SSR3: variants seen among roughly 807,000 people sequenced by gnomAD.
SSR3 encodes the protein signal sequence receptor subunit 3, also known as translocon-associated protein subunit gamma.
Under a neutral mutation model 22.1 loss-of-function variants are expected in SSR3, and 10 were observed. The ratio of observed to expected loss-of-function variants is 0.45; its 90% CI spans 0.28 to 0.77. The LOEUF (loss-of-function observed/expected upper bound fraction) is 0.77, where lower values mean the gene tolerates loss of function less well. Among genes scored for constraint, SSR3 ranks in the 30% least tolerant of loss-of-function variants. The pLI, the probability that SSR3 is intolerant of heterozygous loss-of-function variation, is 0.13. For missense variants in SSR3, 181 were observed against 220.5 expected (o/e 0.82, Z 1.13); for synonymous variants, 104 against 82.5 (o/e 1.26, Z -1.42).
intron 2 of SSR3, among the ~76,000 whole-genome samples, chr3:156,552,417 C>G (rs760714416): frequency 9.2e-5 from 14 of 151,962 alleles, no homozygotes; most frequent in Non-Finnish European, 1.9e-4. Flanking sequence ...AATACCTGCA[C>G]CTCATATGGA....
At chr3:156,545,445 CTT>C (rs1304718390) in intron 3 of SSR3, among the ~76,000 whole-genome samples, 2 of 152,160 alleles carry the variant, frequency 1.3e-5, no homozygotes, top group African/African-American at 2.4e-5. Context: ...TTTGTAGACA[CTT>C]TGTCTCCCAA....
chr3:156,548,779 A>T, intron 3 of SSR3, 126 bp downstream of exon 3: 1 of 1,135,054 alleles, frequency 8.8e-7, no homozygotes, highest in Non-Finnish European at 1.2e-6. Context: ...TTCCATTACT[A>T]CTACTACTAC....
At chr3:156,545,716 G>T (rs1682368236) in intron 3 of SSR3, among the ~76,000 whole-genome samples, 1 of 150,352 alleles carries the variant, frequency 6.7e-6, no homozygotes, top group African/African-American at 2.4e-5. Flanking sequence ...TTTACTGTAA[G>T]TTTGGAGGAA....
chr3:156,544,411 C>T lies in SSR3; in HGVS notation c.388G>A (p.Asp130Asn). 1.9e-6 allele frequency: 3 copies of T among 1,587,642 alleles called. No homozygotes were observed. The highest frequency in any genetic ancestry group is 2.3e-5 in the East Asian group (1 of 44,068). The change falls in exon 4 of 5, where the codon GAT (aspartate) becomes AAT (asparagine). Residue 130 changes from aspartate (D) to asparagine (N), a missense_variant. Transcript: ENST00000265044. ...ATGGAAAATGTTGTAGCTTCATAAT[C>T]AGCAACTTCATTCTTCTTCCACAAG... ...RILWKKNEVADYEATTFSIFY... is the reference protein window; with the variant it reads ...RILWKKNEVANYEATTFSIFY...
intron 2 of SSR3, among the ~76,000 whole-genome samples, chr3:156,552,354 A>C (rs555692428): frequency 6.6e-6 from 1 of 152,264 alleles, no homozygotes; most frequent in African/African-American, 2.4e-5. Context: ...GACATGATAA[A>C]AATGATGTCA....
chr3:156,548,669 C>T, intron 3 of SSR3: 2 of 518,888 alleles, frequency 3.9e-6, no homozygotes, highest in Non-Finnish European at 6.7e-6. Flanking sequence ...AAAAATAGTA[C>T]CTACTTCACA....
rs928997036 is a variant in SSR3, at chr3:156,541,917, A to C, written c.*1286T>G. The C allele has an allele frequency of 6.6e-6, 1 of 152,194 alleles. No individual in the cohort carries two copies. Among genetic ancestry groups the C allele is most frequent in the Non-Finnish European group, 1.5e-5 (1 of 68,036 alleles). The allele number at this position is 152,194 out of a possible 1,614,324, so 9.4% of individuals were successfully genotyped here. A position where few individuals can be genotyped will look rare whatever the true frequency, so the allele number is the denominator to read the frequency against. On this transcript the variant is annotated 3_prime_UTR_variant, in exon 5 of 5. Transcript: ENST00000265044. ...TCCGATAGCATGGAAGTGGAAGTTA[A>C]ACTCCCGATGAATAATTTTTATAAA... is the stretch of plus-strand genomic sequence containing the variant.
In SSR3 at chr3:156,539,915, TTTGA is replaced by T. The variant is rs1719365105; in HGVS notation, c.*3284_*3287del. ...AATGCCTTTCATTGCCTCACATACA[TTTGA>T]TTGGTAACTACAAAGATGTGCATTT... On this transcript the variant is annotated 3_prime_UTR_variant, in exon 5 of 5. Coordinates refer to ENST00000265044, the MANE Select transcript of SSR3 (RefSeq NM_007107.5). 6.6e-6 allele frequency among the ~76,000 whole-genome samples: 1 copy of T among 152,184 alleles called. No homozygotes were observed. The highest frequency in any genetic ancestry group is 2.4e-5 in the African/African-American group (1 of 41,442).
At position 156,543,149 on chromosome 3, in the gene SSR3, C is replaced by A. The variant is rs1719626018; in HGVS notation, c.*54G>T. 1 of 1,541,224 alleles carries A rather than the reference C, an allele frequency of 6.5e-7. No homozygotes were observed. Among genetic ancestry groups the A allele is most frequent in the Non-Finnish European group, 8.9e-7 (1 of 1,119,314 alleles). ...CACCCTGACCACCCTGCTACTTTTC[C>A]ATATACCACAGGCCACCCATAGACA... On this transcript the variant is annotated 3_prime_UTR_variant, in exon 5 of 5. Coordinates refer to ENST00000265044, the MANE Select transcript of SSR3 (RefSeq NM_007107.5).
rs116082257 is a variant in SSR3, at chr3:156,550,842, G to A, written c.261-1839C>T. Among the ~76,000 whole-genome samples the A allele has an allele frequency of 8.3e-3, 1,260 of 152,236 alleles. 20 individuals carry two copies. Among genetic ancestry groups the A allele is most frequent in the African/African-American group, 0.029 (1,221 of 41,546 alleles). ...ACATTTATTATGTGCCAGACTCTAT[G>A]CTTAACATGTATGATCATAATGAAT... On this transcript the variant is annotated intron_variant, in intron 2 of 4. Coordinates refer to ENST00000265044, the MANE Select transcript of SSR3 (RefSeq NM_007107.5).
Position 156,542,975 on chromosome 3 carries a change from C to T in SSR3, c.*228G>A. 4.6e-6 allele frequency: 2 copies of T among 434,886 alleles called. No homozygotes were observed. The highest frequency in any genetic ancestry group is 8.2e-6 in the Non-Finnish European group (2 of 245,076). 26.9% of individuals were successfully genotyped at this position (434,886 alleles called of 1,614,324 possible). The stretch of plus-strand genomic sequence containing the variant: ...ACAGCACATTGCAAGACATTTTTTT[C>T]CTTTTAATAAACGTCCTAGTACTCT... On this transcript the variant is annotated 3_prime_UTR_variant, in exon 5 of 5. Coordinates refer to ENST00000265044, the MANE Select transcript of SSR3 (RefSeq NM_007107.5).
intron 3 of SSR3, among the ~76,000 whole-genome samples, chr3:156,545,570 A>T (rs1195714953): frequency 6.6e-6 from 1 of 152,218 alleles, no homozygotes; most frequent in Admixed American, 6.5e-5. Context: ...ACTAATCCAA[A>T]GAAAACAAGT....
In SSR3 at chr3:156,541,665, G is replaced by C. The variant is rs1719516566; in HGVS notation, c.*1538C>G. Reference sequence around the variant, plus strand: ...TTTTTAAAAATAATAAACCTCTAAAGTGTTACCCTAACTGTACCTTACAGT... The same window carrying C: ...TTTTTAAAAATAATAAACCTCTAAACTGTTACCCTAACTGTACCTTACAGT... On this transcript the variant is annotated 3_prime_UTR_variant, in exon 5 of 5. Transcript: ENST00000265044. The C allele has an allele frequency of 6.6e-6, 1 of 152,122 alleles. No homozygotes were observed. The highest frequency in any genetic ancestry group is 1.5e-5 in the Non-Finnish European group (1 of 68,026). 9.4% of individuals were successfully genotyped at this position (152,122 alleles called of 1,614,324 possible).
intron 2 of SSR3, 146 bp from the exon 3 acceptor site, chr3:156,549,149 C>T (rs1221230962): frequency 2.4e-6 from 2 of 819,634 alleles, no homozygotes; most frequent in African/African-American, 3.5e-5. Flanking sequence ...CAGAAAGTTC[C>T]AAGTTTATTA....
intron 2 of SSR3, among the ~76,000 whole-genome samples, chr3:156,550,275 A>T (rs1306736642): frequency 6.6e-6 from 1 of 152,234 alleles, no homozygotes; most frequent in South Asian, 2.1e-4. Context: ...CACCCCAACT[A>T]TCAAGTTGTT....
At chr3:156,547,785 A>G (rs1257433703) in intron 3 of SSR3, among the ~76,000 whole-genome samples, 1 of 152,330 alleles carries the variant, frequency 6.6e-6, no homozygotes, top group East Asian at 1.9e-4. Context: ...ATCCAGTGCC[A>G]GGAAAGTTTC....
chr3:156,554,091 G>C (rs1720063535), intron 1 of SSR3: 2 of 211,064 alleles, frequency 9.5e-6, no homozygotes. Flanking sequence ...CATTCATCAG[G>C]GTACTAGCAT....
At position 156,553,798 on chromosome 3, in the gene SSR3, G is replaced by C. The variant is rs2108451185; in HGVS notation, c.134-17C>G. 2 of 1,583,360 alleles carry C rather than the reference G, an allele frequency of 1.3e-6. No individual in the cohort carries two copies. The highest frequency in any genetic ancestry group is 8.6e-7 in the Non-Finnish European group (1 of 1,167,792). ...AGTATAACCCTGAATTAAAATAAAA[G>C]GGGGAAGGGTACAAAAAGAAGCAAA... On this transcript the variant is annotated splice_polypyrimidine_tract_variant and intron_variant, in intron 1 of 4. Coordinates refer to ENST00000265044, the MANE Select transcript of SSR3 (RefSeq NM_007107.5).
Position 156,543,130 on chromosome 3 carries a change from G to T in SSR3, c.*73C>A. On this transcript the variant is annotated 3_prime_UTR_variant, in exon 5 of 5. Transcript: ENST00000265044. ...AAAAACATCTTGTGTCTCCCACCCT[G>T]ACCACCCTGCTACTTTTCCATATAC... 7.3e-7 allele frequency: 1 copy of T among 1,371,608 alleles called. No individual in the cohort carries two copies. Among genetic ancestry groups the T allele is most frequent in the South Asian group, 1.2e-5 (1 of 83,718 alleles). 85.0% of individuals were successfully genotyped at this position (1,371,608 alleles called of 1,614,324 possible).
Sources: gnomAD v4.1 joint callset for allele counts (sites outside exome capture counted in the v4.1 genomes callset) on GRCh38, gnomAD v4.1.1 for gene constraint, MANE v1.5 for transcripts, NCBI Gene and HGNC (gene_info 2026-07-23, HGNC 2026-07-21) for gene names.